MCTP2: variants seen among roughly 807,000 people sequenced by gnomAD.
MCTP2 encodes multiple C2 and transmembrane domain-containing protein 2.
In MCTP2, 132 loss-of-function variants were observed where a neutral mutation model predicts 111.6. The ratio of observed to expected loss-of-function variants is 1.18; its 90% CI spans 1.03 to 1.37. The LOEUF (loss-of-function observed/expected upper bound fraction) is 1.37, where lower values mean the gene tolerates loss of function less well. Among genes scored for constraint, MCTP2 ranks in the 40% most tolerant of loss-of-function variants. MCTP2 has a pLI of 0.00. For missense variants in MCTP2, 1,183 were observed against 1,067.9 expected (o/e 1.11, Z -1.50); for synonymous variants, 395 against 387.7 (o/e 1.02, Z -0.22).
rs1567519826 is a variant in MCTP2, at chr15:94,358,619, C to G, written c.1301+7C>G. ...ATGAGGAACGTCTGGGCACGTGAGT[C>G]CCCTCTGCTTTCCAGTGGCGGGAGC... is the stretch of plus-strand genomic sequence containing the variant. On this transcript the variant is annotated splice_region_variant and intron_variant, in intron 10 of 22. Coordinates refer to ENST00000357742, the MANE Select transcript of MCTP2 (RefSeq NM_001385001.1). 5 of 1,613,066 alleles carry G rather than the reference C, an allele frequency of 3.1e-6. No individual in the cohort carries two copies. Among genetic ancestry groups the G allele is most frequent in the Non-Finnish European group, 4.2e-6 (5 of 1,179,418 alleles).
chr15:94,385,739 C>T (rs747102121), intron 14 of MCTP2, among the ~76,000 whole-genome samples: 1 of 152,156 alleles, frequency 6.6e-6, no homozygotes, highest in Admixed American at 6.5e-5. Flanking sequence ...CCAATATTGA[C>T]GTAACCAACC....
intron 2 of MCTP2, among the ~76,000 whole-genome samples, chr15:94,313,562 G>T (rs575911114): frequency 2.0e-5 from 3 of 152,030 alleles, no homozygotes; most frequent in Non-Finnish European, 4.4e-5. Context: ...TTATCCAGGC[G>T]TTGTTACAGG....
chr15:94,449,016 G>A (rs1044215723), intron 19 of MCTP2, among the ~76,000 whole-genome samples: 1 of 152,118 alleles, frequency 6.6e-6, no homozygotes, highest in Admixed American at 6.5e-5. Flanking sequence ...TTCCAGCCTG[G>A]CGACAGAGCG....
intron 8 of MCTP2, among the ~76,000 whole-genome samples, chr15:94,349,470 G>T (rs1374461437): frequency 2.0e-5 from 3 of 152,120 alleles, no homozygotes; most frequent in Non-Finnish European, 4.4e-5. Flanking sequence ...AGTGACGGAG[G>T]TATTCAAAGG....
intron 12 of MCTP2, among the ~76,000 whole-genome samples, chr15:94,375,565 TA>T (rs2079723211): frequency 6.6e-6 from 1 of 152,126 alleles, no homozygotes; most frequent in Non-Finnish European, 1.5e-5. Context: ...CCTTTGCCAT[TA>T]AAAACAAACA....
intron 1 of MCTP2, among the ~76,000 whole-genome samples, chr15:94,257,272 T>C (rs1175465381): frequency 6.6e-6 from 1 of 152,120 alleles, no homozygotes; most frequent in Non-Finnish European, 1.5e-5. Flanking sequence ...ATATATATCC[T>C]CATGGGAACA....
chr15:94,255,046 A>T (rs2072678092), intron 1 of MCTP2, among the ~76,000 whole-genome samples: 2 of 152,212 alleles, frequency 1.3e-5, no homozygotes, highest in Admixed American at 6.5e-5. Flanking sequence ...ACAATTTTTT[A>T]GAAGTTTTCT....
In MCTP2 at chr15:94,477,834, A is replaced by G. The variant is rs1441875473; in HGVS notation, c.2568+1041A>G. ...GTGAAAACACATTCTAGAAAGATGA[A>G]TTTACTCTTTAACATTTGTATTACT... On this transcript the variant is annotated intron_variant, in intron 22 of 22. Transcript: ENST00000357742. Among the ~76,000 whole-genome samples, 3 of 152,276 alleles carry G rather than the reference A, an allele frequency of 2.0e-5. 1 individual carries two copies. In the East Asian group the frequency reaches 5.8e-4, roughly 29 times the overall value.
At chr15:94,364,572 C>A (rs967264513) in intron 10 of MCTP2, among the ~76,000 whole-genome samples, 2 of 152,062 alleles carry the variant, frequency 1.3e-5, no homozygotes, top group African/African-American at 4.8e-5. Context: ...ATGTTTACGT[C>A]TTAAAGACTT....
intron 14 of MCTP2, among the ~76,000 whole-genome samples, chr15:94,386,238 C>G (rs1272944039): frequency 6.6e-6 from 1 of 152,160 alleles, no homozygotes; most frequent in African/African-American, 2.4e-5. Context: ...CAAACATACT[C>G]TTTGAGAAGA....
chr15:94,402,353 C>T (rs2081640825), intron 17 of MCTP2: 5 of 1,453,746 alleles, frequency 3.4e-6, no homozygotes, highest in Non-Finnish European at 4.5e-6. Flanking sequence ...TGAAAAATCA[C>T]AGGACTAAAT....
At chr15:94,478,754 T>C (rs184791890) in intron 22 of MCTP2, among the ~76,000 whole-genome samples, 200 of 152,168 alleles carry the variant, frequency 1.3e-3, no homozygotes, top group Non-Finnish European at 2.2e-3. Context: ...ATTAGAAAAA[T>C]CTGCTTTTAA....
intron 17 of MCTP2, among the ~76,000 whole-genome samples, chr15:94,433,352 G>C (rs1301365042): frequency 3.3e-5 from 5 of 152,088 alleles, no homozygotes; most frequent in Admixed American, 2.6e-4. Context: ...TACACCTACT[G>C]GTCGCTGCTG....
intron 20 of MCTP2, among the ~76,000 whole-genome samples, chr15:94,464,244 A>ATAT (rs1158865711): frequency 0.012 from 735 of 59,804 alleles, 35 homozygotes; most frequent in Middle Eastern, 0.037. Context: ...TATATAATAT[A>ATAT]TATATATATA....
chr15:94,472,273 A>C (rs1418236424), intron 21 of MCTP2, among the ~76,000 whole-genome samples: 1 of 152,090 alleles, frequency 6.6e-6, no homozygotes, highest in East Asian at 1.9e-4. Context: ...GCTACCTGGG[A>C]GGCTGAGGCA....
chr15:94,409,390 A>G (rs977212374), intron 17 of MCTP2, among the ~76,000 whole-genome samples: 11 of 152,064 alleles, frequency 7.2e-5, no homozygotes, highest in African/African-American at 2.2e-4. Context: ...ATAAACTCAT[A>G]TATATTAACC....
At chr15:94,468,141 C>A (rs1025927383) in intron 20 of MCTP2, among the ~76,000 whole-genome samples, 2 of 152,130 alleles carry the variant, frequency 1.3e-5, no homozygotes, top group Non-Finnish European at 2.9e-5. Flanking sequence ...GATTTTTCTA[C>A]TATCCAAACT....
At chr15:94,385,365 C>A in intron 13 of MCTP2, 58 bp from the exon 14 acceptor site, 2 of 1,160,210 alleles carry the variant, frequency 1.7e-6, no homozygotes, top group Non-Finnish European at 2.6e-6. Flanking sequence ...TCCAGATCTT[C>A]ATGGAACAGA....
intron 17 of MCTP2, among the ~76,000 whole-genome samples, chr15:94,435,877 C>T (rs374420270): frequency 1.6e-3 from 235 of 151,574 alleles, no homozygotes; most frequent in African/African-American, 3.3e-3. Context: ...GTGATCCGCC[C>T]GCCTCGGCCT....
Sources: allele counts gnomAD v4.1 joint callset (sites outside exome capture counted in the v4.1 genomes callset), GRCh38; gene constraint gnomAD v4.1.1; transcripts MANE v1.5; gene names NCBI Gene and HGNC (gene_info 2026-07-23, HGNC 2026-07-21).